RYR3: variants seen among roughly 807,000 people sequenced by gnomAD.
RYR3 encodes the protein brain ryanodine receptor-calcium release channel.
RYR3 carries 207 observed loss-of-function variants against 584.3 expected under a neutral mutation model. The ratio of observed to expected loss-of-function variants is 0.35; its 90% CI spans 0.32 to 0.40. RYR3 has a LOEUF of 0.40. RYR3 is among the 10% of genes least tolerant of loss of function. RYR3 has a pLI of 1.00. For synonymous variants in RYR3, 2,416 were observed against 2,248.5 expected (o/e 1.07, Z -2.11); for missense variants, 5,616 against 6,089.2 (o/e 0.92, Z 2.59).
At chr15:33,337,417 C>T (rs1016781941) in intron 1 of RYR3, among the ~76,000 whole-genome samples, 5 of 152,166 alleles carry the variant, frequency 3.3e-5, no homozygotes, top group South Asian at 2.1e-4. Flanking sequence ...AAAAATCAAG[C>T]AACTGATAAT....
At chr15:33,650,032 A>G (rs2062371432) in intron 31 of RYR3, among the ~76,000 whole-genome samples, 1 of 152,214 alleles carries the variant, frequency 6.6e-6, no homozygotes, top group African/African-American at 2.4e-5. Context: ...AAAGACTAGT[A>G]GCCAGAGGTG....
intron 42 of RYR3, among the ~76,000 whole-genome samples, chr15:33,701,651 G>C (rs906011031): frequency 6.6e-6 from 1 of 151,756 alleles, no homozygotes; most frequent in Non-Finnish European, 1.5e-5. Flanking sequence ...TGGAGGGGGA[G>C]GGGGGTGGAG....
At chr15:33,583,105 G>T (rs1488973915) in intron 14 of RYR3, among the ~76,000 whole-genome samples, 4 of 152,152 alleles carry the variant, frequency 2.6e-5, no homozygotes, top group Admixed American at 6.5e-5. Flanking sequence ...CTGGAGAGCT[G>T]GTTACAATAC....
Position 33,530,381 on chromosome 15 carries a change from T to C in RYR3, c.280-211T>C, listed in dbSNP as rs114187463. On this transcript the variant is annotated intron_variant, in intron 3 of 103. Transcript: ENST00000634891. ...AGGCCATTTCTGGGAATAGATTTGG[T>C]CCCACACACCCTCTCCCAAGGATGT... is the stretch of plus-strand genomic sequence containing the variant. Among the ~76,000 whole-genome samples, 1,242 of 152,250 alleles carry C rather than the reference T, an allele frequency of 8.2e-3. 22 individuals carry two copies. Among genetic ancestry groups the C allele is most frequent in the African/African-American group, 0.028 (1,168 of 41,534 alleles).
intron 35 of RYR3, among the ~76,000 whole-genome samples, chr15:33,663,188 G>A (rs775168086): frequency 3.9e-5 from 6 of 152,120 alleles, no homozygotes; most frequent in Non-Finnish European, 7.3e-5. Flanking sequence ...AATGAAAGAT[G>A]GAGAGAAGGA....
chr15:33,704,695 G>C (rs772977544), intron 42 of RYR3, among the ~76,000 whole-genome samples: 4 of 152,200 alleles, frequency 2.6e-5, no homozygotes, highest in Non-Finnish European at 2.9e-5. Flanking sequence ...AATGCCACAA[G>C]GTTTTGAACT....
chr15:33,856,912 C>G (rs1009339058), intron 98 of RYR3: 4 of 152,288 alleles, frequency 2.6e-5, no homozygotes, highest in East Asian at 3.9e-4. Context: ...CCGCCTCGGC[C>G]TCCTAAAGTG....
chr15:33,374,419 C>G (rs2040575942), intron 1 of RYR3, among the ~76,000 whole-genome samples: 1 of 151,504 alleles, frequency 6.6e-6, no homozygotes, highest in Non-Finnish European at 1.5e-5. Flanking sequence ...TCCACCCCCA[C>G]CCACACACAC....
chr15:33,786,452 T>G (rs1172400426), intron 66 of RYR3, among the ~76,000 whole-genome samples: 1 of 151,982 alleles, frequency 6.6e-6, no homozygotes, highest in East Asian at 1.9e-4. Context: ...CACTGTCTCA[T>G]GCGGGCTCAC....
intron 6 of RYR3, among the ~76,000 whole-genome samples, chr15:33,540,287 A>G (rs1333866409): frequency 6.6e-6 from 1 of 152,162 alleles, no homozygotes; most frequent in Non-Finnish European, 1.5e-5. Flanking sequence ...GGGGTATCAC[A>G]GAGAGTGGAA....
chr15:33,759,981 A>G (rs2072266776), intron 60 of RYR3, among the ~76,000 whole-genome samples: 1 of 152,224 alleles, frequency 6.6e-6, no homozygotes, highest in South Asian at 2.1e-4. Context: ...GGTGGGGCCA[A>G]TATTCAACAT....
At position 33,775,316 on chromosome 15, in the gene RYR3, T is replaced by C. The variant is rs937598776; in HGVS notation, c.9137+1701T>C. ...ATCTGTGTGTTGGTTATTAGGTACA[T>C]TGCTAGTTCTCGGGAGTGGAGAAGG... On this transcript the variant is annotated intron_variant, in intron 64 of 103. Transcript: ENST00000634891. 4.2e-5 allele frequency among the ~76,000 whole-genome samples: 3 copies of C among 71,128 alleles called. No homozygotes were observed. The South Asian group carries it at 2.2e-3, about 52-fold the overall frequency. The allele number at this position is 71,128 out of a possible 152,430, so 46.7% of individuals were successfully genotyped here.
chr15:33,417,445 G>A (rs965964102), intron 1 of RYR3, among the ~76,000 whole-genome samples: 2 of 151,834 alleles, frequency 1.3e-5, no homozygotes, highest in African/African-American at 4.8e-5. Flanking sequence ...TGTTTTTGTG[G>A]CCATCGTAAG....
chr15:33,558,781 AAATC>A (rs1398224396), intron 10 of RYR3, among the ~76,000 whole-genome samples: 1 of 152,178 alleles, frequency 6.6e-6, no homozygotes, highest in Non-Finnish European at 1.5e-5. Flanking sequence ...TGAAGCCAAT[AAATC>A]AGGAGACAAT....
rs1254491350 is a variant in RYR3 at position 33,865,709 on chromosome 15, G to A, written c.*483G>A. On this transcript the variant is annotated 3_prime_UTR_variant, in exon 104 of 104. Transcript: ENST00000634891. ...CTTGCTAGTGACTGTATCCAGAAAA[G>A]CTTTAAGCAGTTAAAGAAACAGAAA... 1 of 154,264 alleles carries A rather than the reference G, an allele frequency of 6.5e-6. No homozygotes were observed. The highest frequency in any genetic ancestry group is 2.4e-5 in the African/African-American group (1 of 41,438). 9.6% of individuals were successfully genotyped at this position (154,264 alleles called of 1,614,324 possible).
intron 23 of RYR3, 65 bp downstream of exon 23, chr15:33,631,358 G>T: frequency 1.8e-6 from 2 of 1,101,864 alleles, no homozygotes. Flanking sequence ...TAATCCAGGA[G>T]GGTGGTACCA....
intron 27 of RYR3, among the ~76,000 whole-genome samples, chr15:33,641,563 T>C (rs1024832946): frequency 6.6e-6 from 1 of 152,188 alleles, no homozygotes; most frequent in Non-Finnish European, 1.5e-5. Flanking sequence ...GCTGATTAAA[T>C]GTATCTAGTT....
At chr15:33,407,937 T>G (rs2043134238) in intron 1 of RYR3, among the ~76,000 whole-genome samples, 1 of 152,172 alleles carries the variant, frequency 6.6e-6, no homozygotes, top group South Asian at 2.1e-4. Context: ...AGTGTTCCTT[T>G]GTACAGCATT....
chr15:33,662,219 G>A lies in RYR3; in HGVS notation c.4689G>A (p.Arg1563=). ...TGCGGTTCCATTACCACACGCTGAG[G>A]CTCTACAGCGCGGTGTGCGCCCTGG... is the stretch of plus-strand genomic sequence containing the variant. ...DLMRFHYHTL[R]LYSAVCALGN... Residue 1563 remains arginine (R), a synonymous_variant, in exon 35 of 104, where the codon AGG becomes AGA. Transcript: ENST00000634891. The A allele has an allele frequency of 1.9e-6, 3 of 1,608,566 alleles. No homozygotes were observed. Among genetic ancestry groups the A allele is most frequent in the Non-Finnish European group, 2.5e-6 (3 of 1,177,964 alleles).
Sources: allele counts gnomAD v4.1 joint callset (sites outside exome capture counted in the v4.1 genomes callset), GRCh38; gene constraint gnomAD v4.1.1; transcripts MANE v1.5; gene names NCBI Gene and HGNC (gene_info 2026-07-23, HGNC 2026-07-21).